COPZ1: variants seen among roughly 807,000 people sequenced by gnomAD.
COPZ1 encodes coatomer subunit zeta-1.
Under a neutral mutation model 31.7 loss-of-function variants are expected in COPZ1, and 4 were observed. That is an observed-to-expected ratio of 0.13 (90% CI 0.06 to 0.29). The LOEUF (loss-of-function observed/expected upper bound fraction) is 0.29. COPZ1 is among the 10% of genes least tolerant of loss of function. The probability of loss-of-function intolerance (pLI) is 1.00; values close to 1 mark genes in which losing one functional copy is unlikely to be tolerated. For missense variants in COPZ1, 156 were observed against 211.5 expected, an observed-to-expected ratio of 0.74 and a Z score of 1.63; for synonymous variants, 74 against 79.0, an observed-to-expected ratio of 0.94 and a Z score of 0.33.
At chr12:54,348,120 G>A (rs1265727432) in intron 7 of COPZ1, 69 bp downstream of exon 7, 16 of 1,445,380 alleles carry the variant, frequency 1.1e-5, no homozygotes, top group Non-Finnish European at 1.5e-5. Context: ...CAGACCTGCT[G>A]GATGTGTCCA....
rs371645391 is a variant in COPZ1, at chr12:54,336,789, C to A, written c.19-3758C>A. 4.6e-5 allele frequency among the ~76,000 whole-genome samples: 7 copies of A among 151,938 alleles called. No homozygotes were observed. In the East Asian group the frequency reaches 1.2e-3, roughly 25 times the overall value. The stretch of plus-strand genomic sequence containing the variant: ...CTGTAATCCCAGCACTTTGGGAGGC[C>A]GAGGCAGGCAGATCATGAGGTCAGG... On this transcript the variant is annotated intron_variant, in intron 1 of 8. Coordinates refer to ENST00000262061, the MANE Select transcript of COPZ1 (RefSeq NM_016057.3).
intron 1 of COPZ1, among the ~76,000 whole-genome samples, chr12:54,328,167 T>C (rs1341932356): frequency 6.7e-6 from 1 of 149,174 alleles, no homozygotes; most frequent in Non-Finnish European, 1.5e-5. Context: ...TCCCAACTAC[T>C]CAGGAGGCTG....
In COPZ1 at chr12:54,325,193, A is replaced by G; in HGVS notation, c.18+12A>G. ...AGGCGCTGATTTTGGTAGGAGCTGG[A>G]GGGGCAGCAGAGATGCTGTGGTGTC... On this transcript the variant is annotated intron_variant, in intron 1 of 8. Coordinates refer to ENST00000262061, the MANE Select transcript of COPZ1 (RefSeq NM_016057.3). 3 of 1,558,216 alleles carry G rather than the reference A, an allele frequency of 1.9e-6. No homozygotes were observed. The highest frequency in any genetic ancestry group is 2.6e-6 in the Non-Finnish European group (3 of 1,151,458).
At chr12:54,341,183 G>A (rs539211711) in intron 2 of COPZ1, among the ~76,000 whole-genome samples, 2 of 152,190 alleles carry the variant, frequency 1.3e-5, no homozygotes, top group Non-Finnish European at 2.9e-5. Flanking sequence ...GAGGCAGTCC[G>A]CCCATGTCCA....
chr12:54,339,563 T>C (rs1953935195), intron 1 of COPZ1, among the ~76,000 whole-genome samples: 1 of 152,130 alleles, frequency 6.6e-6, no homozygotes, highest in South Asian at 2.1e-4. Flanking sequence ...TTTCCCAGGC[T>C]GGTCTTGAAC....
intron 5 of COPZ1, among the ~76,000 whole-genome samples, chr12:54,346,324 G>A (rs1247633877): frequency 6.7e-6 from 1 of 149,594 alleles, no homozygotes; most frequent in Non-Finnish European, 1.5e-5. Flanking sequence ...CTGGAGTGCA[G>A]TGGCGTGATC....
rs777193624 is a variant in COPZ1 at position 54,342,328 on chromosome 12, A to G, written c.169+41A>G. The G allele has an allele frequency of 9.0e-6, 13 of 1,450,880 alleles. 1 individual carries two copies. In the Middle Eastern group the frequency reaches 5.2e-4, roughly 58 times the overall value. The allele number at this position is 1,450,880 out of a possible 1,614,324, so 89.9% of individuals were successfully genotyped here. Reference sequence around the variant, plus strand: ...TTCACTACTACCCGTGCTGGGGGGAACCATGGTGGAAAGGGGGTGGTAACA... The same window carrying G: ...TTCACTACTACCCGTGCTGGGGGGAGCCATGGTGGAAAGGGGGTGGTAACA... On this transcript the variant is annotated intron_variant, in intron 3 of 8. Coordinates refer to ENST00000262061, the MANE Select transcript of COPZ1 (RefSeq NM_016057.3).
chr12:54,327,172 G>T lies in COPZ1; in HGVS notation c.18+1991G>T, dbSNP rs1953671445. Among the ~76,000 whole-genome samples, 2 of 151,048 alleles carry T rather than the reference G, an allele frequency of 1.3e-5. 1 individual carries two copies. Among genetic ancestry groups the T allele is most frequent in the Non-Finnish European group, 2.9e-5 (2 of 67,802 alleles). ...ATTTTTGTATTTTTAGTAGAAACAG[G>T]GTTTCTCCATGTTTGCCAGGCTGGT... On this transcript the variant is annotated intron_variant, in intron 1 of 8. Coordinates refer to ENST00000262061, the MANE Select transcript of COPZ1 (RefSeq NM_016057.3).
chr12:54,325,641 A>C (rs1169124540), intron 1 of COPZ1: 1 of 161,936 alleles, frequency 6.2e-6, no homozygotes, highest in Admixed American at 5.8e-5. Context: ...TCCTTCAGGA[A>C]ACTGTTTTGT....
At chr12:54,328,998 T>A (rs1192488677) in intron 1 of COPZ1, among the ~76,000 whole-genome samples, 1 of 152,288 alleles carries the variant, frequency 6.6e-6, no homozygotes, top group Non-Finnish European at 1.5e-5. Context: ...CATGGTCACA[T>A]TTCTTTCTTG....
chr12:54,345,068 C>G (rs7487642), intron 4 of COPZ1: 26,680 of 174,102 alleles, frequency 0.15, 2,378 homozygotes, highest in East Asian at 0.24. Flanking sequence ...ACAGGTGTGA[C>G]CCACTGTGCC....
chr12:54,342,190 C>T lies in COPZ1; in HGVS notation c.88-16C>T. On this transcript the variant is annotated splice_polypyrimidine_tract_variant and intron_variant, in intron 2 of 8. Coordinates refer to ENST00000262061, the MANE Select transcript of COPZ1 (RefSeq NM_016057.3). Reference sequence around the variant, plus strand: ...AGCTCTAGTGACCCAACCCTGTCTTCTTTCCCTCTGACCAGTACTATGACG... The same window carrying T: ...AGCTCTAGTGACCCAACCCTGTCTTTTTTCCCTCTGACCAGTACTATGACG... The T allele has an allele frequency of 6.2e-7, 1 of 1,601,180 alleles. No homozygotes were observed. Among genetic ancestry groups the T allele is most frequent in the Non-Finnish European group, 8.6e-7 (1 of 1,168,354 alleles).
intron 1 of COPZ1, among the ~76,000 whole-genome samples, chr12:54,333,425 C>A (rs997738058): frequency 6.6e-6 from 1 of 152,168 alleles, no homozygotes; most frequent in Non-Finnish European, 1.5e-5. Context: ...TCAAAGGGGT[C>A]TGCTGTAACT....
At chr12:54,337,019 C>CAAAAAAAAAAAAAAAAAAAA (rs1182592654) in intron 1 of COPZ1, among the ~76,000 whole-genome samples, 1 of 61,646 alleles carries the variant, frequency 1.6e-5, no homozygotes. Context: ...GAGACTGTCG[C>CAAAAAAAAAAAAAAAAAAAA]AAAAAAAAAA....
At chr12:54,339,838 A>G (rs560257257) in intron 1 of COPZ1, among the ~76,000 whole-genome samples, 1 of 152,040 alleles carries the variant, frequency 6.6e-6, no homozygotes, top group Non-Finnish European at 1.5e-5. Context: ...ACTGCTTCTT[A>G]ACTCCCCCAA....
In COPZ1 at chr12:54,351,647, C is replaced by T. The variant is rs1407385287; in HGVS notation, c.*1124C>T. On this transcript the variant is annotated 3_prime_UTR_variant, in exon 9 of 9. Transcript: ENST00000262061. ...TTCCCCTTGACCCAGAACTTCCTCC[C>T]CACAAAAATGCCTTTAAAAACCTTC... 1 of 152,170 alleles carries T rather than the reference C, an allele frequency of 6.6e-6. No individual in the cohort carries two copies. The highest frequency in any genetic ancestry group is 1.5e-5 in the Non-Finnish European group (1 of 68,064). The allele number at this position is 152,170 out of a possible 1,614,324, so 9.4% of individuals were successfully genotyped here. A position where few individuals can be genotyped will look rare whatever the true frequency, so the allele number is the denominator to read the frequency against.
intron 1 of COPZ1, among the ~76,000 whole-genome samples, chr12:54,330,831 C>T (rs1180470742): frequency 6.6e-6 from 1 of 152,200 alleles, no homozygotes; most frequent in Non-Finnish European, 1.5e-5. Flanking sequence ...GAATCAGTAC[C>T]TATGTACCCA....
chr12:54,326,124 A>AATTATTATTATTATCATT (rs1555152048), intron 1 of COPZ1, among the ~76,000 whole-genome samples: 1 of 139,164 alleles, frequency 7.2e-6, no homozygotes, highest in African/African-American at 2.7e-5. Flanking sequence ...CCTGGCCAGG[A>AATTATTATTATTATCATT]ATTATTATTA....
At chr12:54,349,811 A>T (rs1954117535) in intron 8 of COPZ1, 153 bp downstream of exon 8, 1 of 749,748 alleles carries the variant, frequency 1.3e-6, no homozygotes, top group African/African-American at 1.7e-5. Context: ...GGACTCATAC[A>T]GCCAGCCACT....
Sources: gnomAD v4.1 joint callset for allele counts (sites outside exome capture counted in the v4.1 genomes callset) on GRCh38, gnomAD v4.1.1 for gene constraint, MANE v1.5 for transcripts, NCBI Gene and HGNC (gene_info 2026-07-23, HGNC 2026-07-21) for gene names.